The following F10 variants were observed in gnomAD, a reference collection of about 807,000 sequenced individuals.
The protein encoded by F10 is coagulation factor X.
A neutral mutation model predicts 37.1 loss-of-function variants in F10; 29 were observed. That is an observed-to-expected ratio of 0.78 (90% CI 0.58 to 1.07). The LOEUF (loss-of-function observed/expected upper bound fraction) is 1.07, where lower values mean the gene tolerates loss of function less well. Ranked by LOEUF, F10 falls within the 50% of genes least tolerant of loss-of-function variation. F10 has a pLI of 0.00. For synonymous variants in F10, 262 were observed against 268.6 expected (o/e 0.98, Z 0.24); for missense variants, 539 against 667.9 (o/e 0.81, Z 2.13).
rs544526883 is a variant in F10, at chr13:113,141,305, T to C, written c.502+255T>C. Among the ~76,000 whole-genome samples the C allele has an allele frequency of 6.6e-6, 1 of 152,318 alleles. No individual in the cohort carries two copies. Among genetic ancestry groups the C allele is most frequent in the South Asian group, 2.1e-4 (1 of 4,834 alleles). ...AACCTCAGCTTCCCCATCTGACAAATGGGACCAACACTATTGCCTGACTGC... is the reference window on the plus strand; with the variant it reads ...AACCTCAGCTTCCCCATCTGACAAACGGGACCAACACTATTGCCTGACTGC... On this transcript the variant is annotated intron_variant, in intron 5 of 7. Coordinates refer to ENST00000375559, the MANE Select transcript of F10 (RefSeq NM_000504.4). The surrounding 1 kb of genome is among the most constrained non-coding windows in gnomAD (Gnocchi z 5.4).
In F10 at chr13:113,143,045, G is replaced by A. The variant is rs1260041623; in HGVS notation, c.503-806G>A. ...CGGCGGGGTGGAGGCCCCTGCGGCT[G>A]GCAGATTCACCGGAGCCTCCTCAGA... On this transcript the variant is annotated intron_variant, in intron 5 of 7. Coordinates refer to ENST00000375559, the MANE Select transcript of F10 (RefSeq NM_000504.4). This position sits in a 1 kb window ranked among gnomAD's most constrained non-coding sequence, Gnocchi z 6.8. Among the ~76,000 whole-genome samples the A allele has an allele frequency of 6.6e-6, 1 of 152,074 alleles. No homozygotes were observed. Among genetic ancestry groups the A allele is most frequent in the Non-Finnish European group, 1.5e-5 (1 of 67,986 alleles).
chr13:113,135,620 T>C (rs1407607915), intron 2 of F10, among the ~76,000 whole-genome samples: 1 of 152,228 alleles, frequency 6.6e-6, no homozygotes, highest in Non-Finnish European at 1.5e-5. Flanking sequence ...TACTATTACA[T>C]TGTCGATTAA....
At chr13:113,140,895 A>G (rs1391414263) in intron 4 of F10, 24 bp from the exon 5 acceptor site, 1 of 1,613,902 alleles carries the variant, frequency 6.2e-7, no homozygotes, top group East Asian at 2.2e-5. Flanking sequence ...CTGTCCCCAG[A>G]GCCAACGTGC....
In F10 at chr13:113,126,388, G is replaced by A. The variant is rs368616052; in HGVS notation, c.71-3064G>A. Among the ~76,000 whole-genome samples, 11 of 152,314 alleles carry A rather than the reference G, an allele frequency of 7.2e-5. No individual in the cohort carries two copies. The East Asian group carries it at 1.9e-3, about 27-fold the overall frequency. ...TGGACAGGGGCTGCAAAGGAAAGGT[G>A]ACTTCTTACTGGTCAATCAGCCTGG... On this transcript the variant is annotated intron_variant, in intron 1 of 7. Transcript: ENST00000375559.
chr13:113,149,263 G>A lies in F10; in HGVS notation c.1213G>A (p.Ala405Thr). 2 of 1,613,218 alleles carry A rather than the reference G, an allele frequency of 1.2e-6. No individual in the cohort carries two copies. Among genetic ancestry groups the A allele is most frequent in the Non-Finnish European group, 1.7e-6 (2 of 1,180,024 alleles). The change falls in exon 8 of 8, where the codon GCC becomes ACC. Residue 405 changes from alanine (A) to threonine (T), a missense_variant. Coordinates refer to ENST00000375559, the MANE Select transcript of F10 (RefSeq NM_000504.4). This position sits in a 1 kb window ranked among gnomAD's most constrained non-coding sequence, Gnocchi z 7.5. ...CATCATCACCCAGAACATGTTCTGT[G>A]CCGGCTACGACACCAAGCAGGAGGA... ...SFIITQNMFC[A>T]GYDTKQEDAC...
chr13:113,147,526 G>A lies in F10; in HGVS notation c.865+30G>A, dbSNP rs765973601. The stretch of plus-strand genomic sequence containing the variant: ...GTGACCAACAGCCCCCAGGGCCGTG[G>A]TGAGGGGCACCGTCACTGTCTGCTT... On this transcript the variant is annotated intron_variant, in intron 7 of 7. Transcript: ENST00000375559. 7 of 1,377,240 alleles carry A rather than the reference G, an allele frequency of 5.1e-6. No individual in the cohort carries two copies. In the African/African-American group the frequency reaches 5.6e-5, roughly 11 times the overall value. 85.3% of individuals were successfully genotyped at this position (1,377,240 alleles called of 1,614,324 possible). A position where few individuals can be genotyped will look rare whatever the true frequency, so the allele number is the denominator to read the frequency against.
Position 113,149,052 on chromosome 13 carries a change from C to G in F10, c.1002C>G (p.Phe334Leu). 2 of 1,613,468 alleles carry G rather than the reference C, an allele frequency of 1.2e-6. No homozygotes were observed. The highest frequency in any genetic ancestry group is 1.7e-6 in the Non-Finnish European group (2 of 1,180,032). ...AVLRLKTPIT[F>L]RMNVAPACLP... ...TCCGGCTCAAGACCCCCATCACCTTCCGCATGAACGTGGCGCCTGCCTGCC... is the reference window on the plus strand; with the variant it reads ...TCCGGCTCAAGACCCCCATCACCTTGCGCATGAACGTGGCGCCTGCCTGCC... The change falls in exon 8 of 8, where the codon TTC (phenylalanine) becomes TTG (leucine). Residue 334 changes from phenylalanine (F) to leucine (L), a missense_variant. By Grantham distance (22) the Phe-to-Leu change is conservative. This residue lies in a region of F10 where 409 missense variants were observed against 547.9 expected (regional missense o/e 0.75). Transcript: ENST00000375559. The surrounding 1 kb of genome is among the most constrained non-coding windows in gnomAD (Gnocchi z 7.5).
Position 113,139,484 on chromosome 13 carries a change from C to T in F10, c.370+14C>T. 1 of 1,593,718 alleles carries T rather than the reference C, an allele frequency of 6.3e-7. No homozygotes were observed. Among genetic ancestry groups the T allele is most frequent in the East Asian group, 2.2e-5 (1 of 44,776 alleles). On this transcript the variant is annotated intron_variant, in intron 4 of 7. Coordinates refer to ENST00000375559, the MANE Select transcript of F10 (RefSeq NM_000504.4). The surrounding 1 kb of genome is among the most constrained non-coding windows in gnomAD (Gnocchi z 5.2). ...ACTGTGAATTATGTAGGTTCCTCTG[C>T]TTGGTATACCTTCAGATCAGATGCC...
At position 113,139,347 on chromosome 13, in the gene F10, C is replaced by G. The variant is rs764202048; in HGVS notation, c.257-10C>G. 5 of 1,612,748 alleles carry G rather than the reference C, an allele frequency of 3.1e-6. No individual in the cohort carries two copies. In the Admixed American group the frequency reaches 8.3e-5, roughly 27 times the overall value. ...TTGCAGACTCCAGTTTCGAAATCCT[C>G]TCTTTGCAGATGGCGACCAGTGTGA... On this transcript the variant is annotated splice_polypyrimidine_tract_variant and intron_variant, in intron 3 of 7. Transcript: ENST00000375559. The surrounding 1 kb of genome is among the most constrained non-coding windows in gnomAD (Gnocchi z 5.2).
rs2251102 is a variant in F10, at chr13:113,138,440, T to A, written c.232-17T>A. ...TGTTTTCCCTAATATATTTTTAAAT[T>A]TCTTTTTTCCTTTTAGAATGAATTC... is the stretch of plus-strand genomic sequence containing the variant. On this transcript the variant is annotated splice_polypyrimidine_tract_variant and intron_variant, in intron 2 of 7. Coordinates refer to ENST00000375559, the MANE Select transcript of F10 (RefSeq NM_000504.4). 2 of 1,181,664 alleles carry A rather than the reference T, an allele frequency of 1.7e-6. No homozygotes were observed. Among genetic ancestry groups the A allele is most frequent in the Non-Finnish European group, 2.5e-6 (2 of 797,144 alleles). 73.2% of individuals were successfully genotyped at this position (1,181,664 alleles called of 1,614,324 possible). A position where few individuals can be genotyped will look rare whatever the true frequency, so the allele number is the denominator to read the frequency against.
intron 2 of F10, 30 bp downstream of exon 2, chr13:113,129,642 T>G: frequency 6.2e-7 from 1 of 1,613,444 alleles, no homozygotes. Context: ...TGGCTGTTGG[T>G]AAGGAGCTCA....
At chr13:113,136,262 T>C (rs1391585255) in intron 2 of F10, among the ~76,000 whole-genome samples, 3 of 152,124 alleles carry the variant, frequency 2.0e-5, no homozygotes, top group Non-Finnish European at 4.4e-5. Context: ...AAGCAGAACT[T>C]TGATACACTG....
At chr13:113,124,177 TCTG>T (rs1380905080) in intron 1 of F10, among the ~76,000 whole-genome samples, 1 of 152,178 alleles carries the variant, frequency 6.6e-6, no homozygotes, top group Non-Finnish European at 1.5e-5. Flanking sequence ...GGCCCGGGAC[TCTG>T]GAAGCTGCTC....
intron 2 of F10, 118 bp downstream of exon 2, chr13:113,129,730 G>A: frequency 1.5e-6 from 2 of 1,338,078 alleles, no homozygotes; most frequent in Non-Finnish European, 2.1e-6. Context: ...CGTGCGCGAA[G>A]GCTTTCAGGG....
At chr13:113,136,614 T>C (rs2036480526) in intron 2 of F10, among the ~76,000 whole-genome samples, 1 of 143,558 alleles carries the variant, frequency 7.0e-6, no homozygotes, top group African/African-American at 2.6e-5. Context: ...TGTGCCACCA[T>C]GGCAGGCTAA....
At position 113,143,318 on chromosome 13, in the gene F10, C is replaced by G. The variant is rs369003127; in HGVS notation, c.503-533C>G. On this transcript the variant is annotated intron_variant, in intron 5 of 7. Transcript: ENST00000375559. The surrounding 1 kb of genome is among the most constrained non-coding windows in gnomAD (Gnocchi z 6.8). ...TGGGAGCTGTGCTATTCCAGACGCTCTCCTGTGCCTCCAGTTGTTTGCGTG... is the reference window on the plus strand; with the variant it reads ...TGGGAGCTGTGCTATTCCAGACGCTGTCCTGTGCCTCCAGTTGTTTGCGTG... Among the ~76,000 whole-genome samples the G allele has an allele frequency of 1.3e-4, 20 of 152,316 alleles. No individual in the cohort carries two copies. The highest frequency in any genetic ancestry group is 3.4e-3 in the Middle Eastern group (1 of 294).
At chr13:113,147,302 C>A in intron 6 of F10, 77 bp from the exon 7 acceptor site, 2 of 978,844 alleles carry the variant, frequency 2.0e-6, no homozygotes, top group Non-Finnish European at 3.3e-6. Context: ...GGCAGTGCCA[C>A]CTGAAGAGCT....
At chr13:113,131,363 G>C (rs1488921653) in intron 2 of F10, 2 of 152,220 alleles carry the variant, frequency 1.3e-5, no homozygotes, top group Non-Finnish European at 2.9e-5. Context: ...TGAAATCCAA[G>C]AAAAGATTAT....
rs1366354349 is a variant in F10 at position 113,148,966 on chromosome 13, G to C, written c.916G>C (p.Glu306Gln). The change falls in exon 8 of 8, where the codon GAG becomes CAG. Residue 306 changes from glutamate (E) to glutamine (Q), a missense_variant. Physicochemically the swap from Glu to Gln is conservative, Grantham distance 29. Around this residue, in one of 2 missense-constraint regions of F10, gnomAD observed 409 missense variants for 547.9 expected, o/e 0.75. Coordinates refer to ENST00000375559, the MANE Select transcript of F10 (RefSeq NM_000504.4). ...GGGCGGTGAGGCGGTGCACGAGGTG[G>C]AGGTGGTCATCAAGCACAACCGGTT... ...EEGGEAVHEV[E>Q]VVIKHNRFTK... 6.2e-7 allele frequency: 1 copy of C among 1,613,404 alleles called. No homozygotes were observed. Among genetic ancestry groups the C allele is most frequent in the Admixed American group, 1.7e-5 (1 of 60,006 alleles).
Sources: allele counts gnomAD v4.1 joint callset (sites outside exome capture counted in the v4.1 genomes callset), GRCh38; gene constraint gnomAD v4.1.1; regional missense constraint gnomAD v4.1.1; non-coding constraint Gnocchi (gnomAD v3.1); transcripts MANE v1.5; gene names NCBI Gene and HGNC (gene_info 2026-07-23, HGNC 2026-07-21).